TAOK3: variants seen among roughly 807,000 people sequenced by gnomAD.
TAOK3 encodes the protein serine/threonine-protein kinase TAO3.
TAOK3 carries 40 observed loss-of-function variants against 120.4 expected under a neutral mutation model. That is an observed-to-expected ratio of 0.33 (90% CI 0.26 to 0.43). The LOEUF is 0.43. Ranked by LOEUF, TAOK3 falls within the 20% of genes least tolerant of loss-of-function variation. TAOK3 has a pLI of 1.00. For synonymous variants in TAOK3, 355 were observed against 387.5 expected, an observed-to-expected ratio of 0.92 and a Z score of 0.99; for missense variants, 821 against 1,112.1, an observed-to-expected ratio of 0.74 and a Z score of 3.72.
chr12:118,338,807 A>AG (rs2044477917), intron 1 of TAOK3, among the ~76,000 whole-genome samples: 1 of 150,968 alleles, frequency 6.6e-6, no homozygotes, highest in Non-Finnish European at 1.5e-5. Context: ...AAAAAAAAAA[A>AG]AAAAAAAGAG....
intron 13 of TAOK3, 195 bp downstream of exon 13, chr12:118,198,856 A>C: frequency 1.7e-6 from 1 of 593,332 alleles, no homozygotes; most frequent in East Asian, 2.9e-5. Context: ...AGAGAGGGAG[A>C]TGAAGAAATA....
chr12:118,187,514 T>C lies in TAOK3; in HGVS notation c.1329+2293A>G, dbSNP rs115391668. On this transcript the variant is annotated intron_variant, in intron 14 of 20. Coordinates refer to ENST00000392533, the MANE Select transcript of TAOK3 (RefSeq NM_016281.4). ...TGGGTAGAATTGTAGTACTTGGTAA[T>C]ATACATTAAAAAATCCATACCCATA... 1.3e-3 allele frequency among the ~76,000 whole-genome samples: 199 copies of C among 152,276 alleles called. 1 individual carries two copies. Among genetic ancestry groups the C allele is most frequent in the African/African-American group, 4.5e-3 (188 of 41,560 alleles).
At chr12:118,312,045 T>C (rs560511005) in intron 1 of TAOK3, among the ~76,000 whole-genome samples, 1 of 152,280 alleles carries the variant, frequency 6.6e-6, no homozygotes, top group South Asian at 2.1e-4. Flanking sequence ...CAACAGCACC[T>C]TGAATAAAGT....
At chr12:118,217,621 T>C (rs1474986788) in intron 9 of TAOK3, among the ~76,000 whole-genome samples, 2 of 149,844 alleles carry the variant, frequency 1.3e-5, no homozygotes, top group Non-Finnish European at 3.0e-5. Flanking sequence ...GAGGCGGAGG[T>C]TGCAATGAGC....
At chr12:118,227,986 C>T (rs1052373310) in intron 9 of TAOK3, among the ~76,000 whole-genome samples, 2 of 151,948 alleles carry the variant, frequency 1.3e-5, no homozygotes, top group South Asian at 2.1e-4. Context: ...TAACAGACAC[C>T]TATCACTTAG....
chr12:118,204,218 G>A (rs1345617544), intron 11 of TAOK3, among the ~76,000 whole-genome samples: 1 of 147,780 alleles, frequency 6.8e-6, no homozygotes, highest in Non-Finnish European at 1.5e-5. Context: ...AGTGAGCCGA[G>A]ATTGCACCAC....
At chr12:118,309,746 C>T (rs1030111586) in intron 1 of TAOK3, among the ~76,000 whole-genome samples, 4 of 151,954 alleles carry the variant, frequency 2.6e-5, no homozygotes, top group Non-Finnish European at 2.9e-5. Flanking sequence ...AAACTCCTGA[C>T]CTCAGGTGAT....
chr12:118,357,793 A>G lies in TAOK3; in HGVS notation c.-194+14855T>C, dbSNP rs187673236. On this transcript the variant is annotated intron_variant, in intron 1 of 20. Coordinates refer to ENST00000392533, the MANE Select transcript of TAOK3 (RefSeq NM_016281.4). ...CCTCTCAATGAAAGCTGAAATTAAC[A>G]TAATTTGTACTTTTAAGTTTTAAAC... Among the ~76,000 whole-genome samples, 7 of 152,354 alleles carry G rather than the reference A, an allele frequency of 4.6e-5. No homozygotes were observed. The East Asian group carries it at 1.3e-3, about 29-fold the overall frequency.
intron 19 of TAOK3, among the ~76,000 whole-genome samples, chr12:118,155,016 A>G (rs949934001): frequency 6.6e-6 from 1 of 150,776 alleles, no homozygotes; most frequent in African/African-American, 2.4e-5. Flanking sequence ...TTTTTTTTTG[A>G]GATGGAGTCT....
In TAOK3 at chr12:118,240,338, C is replaced by T. The variant is rs1055918627; in HGVS notation, c.295-1066G>A. Among the ~76,000 whole-genome samples the T allele has an allele frequency of 7.2e-5, 11 of 151,980 alleles. No homozygotes were observed. The South Asian group carries it at 1.0e-3, about 14-fold the overall frequency. On this transcript the variant is annotated intron_variant, in intron 5 of 20. Transcript: ENST00000392533. ...GGGATTACAGGCATGCGCCACCACA[C>T]GCGGCTAATTTTGTATTTTTAGTAG... is the stretch of plus-strand genomic sequence containing the variant.
At chr12:118,305,149 T>C (rs2043005207) in intron 1 of TAOK3, among the ~76,000 whole-genome samples, 1 of 152,168 alleles carries the variant, frequency 6.6e-6, no homozygotes, top group Non-Finnish European at 1.5e-5. Context: ...GTGTATGTAA[T>C]GTGTTAAACA....
At chr12:118,263,044 T>C (rs1360542599) in intron 2 of TAOK3, among the ~76,000 whole-genome samples, 1 of 152,070 alleles carries the variant, frequency 6.6e-6, no homozygotes, top group Admixed American at 6.5e-5. Flanking sequence ...AAAGCAACTT[T>C]GAAAAAGGAG....
chr12:118,330,047 A>G (rs181662831), intron 1 of TAOK3, among the ~76,000 whole-genome samples: 1 of 152,330 alleles, frequency 6.6e-6, no homozygotes, highest in East Asian at 1.9e-4. Flanking sequence ...GAGGAAAAAT[A>G]CATCAGGGGT....
At chr12:118,228,950 T>G (rs562580458) in intron 9 of TAOK3, among the ~76,000 whole-genome samples, 1 of 152,324 alleles carries the variant, frequency 6.6e-6, no homozygotes, top group Non-Finnish European at 1.5e-5. Context: ...AGATAGGGTC[T>G]TACTCCCATC....
At chr12:118,335,386 A>C (rs1331888851) in intron 1 of TAOK3, among the ~76,000 whole-genome samples, 1 of 152,174 alleles carries the variant, frequency 6.6e-6, no homozygotes, top group Non-Finnish European at 1.5e-5. Flanking sequence ...GAAGAAATTG[A>C]CCGATTTCTC....
At chr12:118,246,410 T>G (rs1282485363) in intron 3 of TAOK3, 1 of 1,507,794 alleles carries the variant, frequency 6.6e-7, no homozygotes, top group East Asian at 2.3e-5. Flanking sequence ...TTTTGAAGAT[T>G]ATGCCAGTGC....
intron 17 of TAOK3, 145 bp downstream of exon 17, chr12:118,172,312 T>C: frequency 1.2e-6 from 1 of 802,044 alleles, no homozygotes; most frequent in Non-Finnish European, 2.0e-6. Flanking sequence ...CTGACTTTTT[T>C]TGTATACCTA....
At position 118,160,098 on chromosome 12, in the gene TAOK3, T is replaced by A; in HGVS notation, c.2352+48A>T. On this transcript the variant is annotated intron_variant, in intron 19 of 20. Coordinates refer to ENST00000392533, the MANE Select transcript of TAOK3 (RefSeq NM_016281.4). The surrounding 1 kb of genome is among the most constrained non-coding windows in gnomAD (Gnocchi z 4.2). ...ACAACAGGCTGGATCTTGGATTTTC[T>A]TGATTCCCAAAGCTCTCGAAGCCGT... is the stretch of plus-strand genomic sequence containing the variant. 6.9e-7 allele frequency: 1 copy of A among 1,450,324 alleles called. No homozygotes were observed. The highest frequency in any genetic ancestry group is 1.4e-5 in the African/African-American group (1 of 71,500). The allele number at this position is 1,450,324 out of a possible 1,614,324, so 89.8% of individuals were successfully genotyped here.
At chr12:118,190,497 G>A (rs773727757) in intron 13 of TAOK3, 1 of 152,596 alleles carries the variant, frequency 6.6e-6, no homozygotes, top group Non-Finnish European at 1.5e-5. Context: ...GGCAGTCACT[G>A]AGGGATCCTG....
Sources: allele counts gnomAD v4.1 joint callset (sites outside exome capture counted in the v4.1 genomes callset), GRCh38; gene constraint gnomAD v4.1.1; non-coding constraint Gnocchi (gnomAD v3.1); transcripts MANE v1.5; gene names NCBI Gene and HGNC (gene_info 2026-07-23, HGNC 2026-07-21).